The following STARD10 variants were observed in gnomAD, a reference collection of about 807,000 sequenced individuals.
STARD10 encodes START domain-containing protein 10.
A neutral mutation model predicts 36.0 loss-of-function variants in STARD10; 24 were observed. That is an observed-to-expected ratio of 0.67 (90% confidence interval 0.48 to 0.94). The LOEUF is 0.94. Among genes scored for constraint, STARD10 ranks in the 40% least tolerant of loss-of-function variants. STARD10 has a pLI of 0.00. For missense variants in STARD10, 335 were observed against 396.6 expected, an observed-to-expected ratio of 0.84 and a Z score of 1.32; for synonymous variants, 156 against 161.9, an observed-to-expected ratio of 0.96 and a Z score of 0.28.
At chr11:72,765,502 G>A (rs1251962392) in intron 2 of STARD10, among the ~76,000 whole-genome samples, 2 of 152,110 alleles carry the variant, frequency 1.3e-5, no homozygotes, top group African/African-American at 4.8e-5. Flanking sequence ...ACCCACACAG[G>A]CTTTGAGGCT....
chr11:72,754,939 G>A lies in STARD10; in HGVS notation c.834C>T (p.Gly278=), dbSNP rs770104161. 4.4e-6 allele frequency: 7 copies of A among 1,603,378 alleles called. No individual in the cohort carries two copies. Among genetic ancestry groups the A allele is most frequent in the Non-Finnish European group, 4.2e-6 (5 of 1,178,232 alleles). ...CGTCGTCGCTGCCCTCGCCGCCCGC[G>A]CCGCCCATCCGCTCCTCTCTGCTCT... ...VAESREERMG[G]AGGEGSDDDT... is the part of the protein sequence containing the mutation. The change falls in exon 7 of 7, where the codon GGC becomes GGT. Residue 278 remains glycine (G), a synonymous_variant. Transcript: ENST00000334805.
rs756842956 is a variant in STARD10 at position 72,755,712 on chromosome 11, G to A, written c.619C>T (p.Leu207=). The A allele has an allele frequency of 1.2e-6, 2 of 1,613,830 alleles. No individual in the cohort carries two copies. The highest frequency in any genetic ancestry group is 1.7e-6 in the Non-Finnish European group (2 of 1,179,872). The change falls in exon 6 of 7, where the codon CTG becomes TTG. Residue 207 remains leucine, a synonymous_variant. Transcript: ENST00000334805. ...CCAAGGCCACTCACCTTGGGAGCCA[G>A]GAACTGAGAAGATTTATTCACCACC... ...KWVVNKSSQF[L]APKAMKKMYK...
In STARD10 at chr11:72,755,691, G is replaced by A; in HGVS notation, c.630+10C>T. The A allele has an allele frequency of 6.2e-7, 1 of 1,613,578 alleles. No homozygotes were observed. ...TCAACACCCCTCCCCAAAATCCCAAGGCCACTCACCTTGGGAGCCAGGAAC... is the reference window on the plus strand; with the variant it reads ...TCAACACCCCTCCCCAAAATCCCAAAGCCACTCACCTTGGGAGCCAGGAAC... On this transcript the variant is annotated intron_variant, in intron 6 of 6. Coordinates refer to ENST00000334805, the MANE Select transcript of STARD10 (RefSeq NM_006645.3).
rs1859172562 is a variant in STARD10 at position 72,793,308 on chromosome 11, GTAAAC to G, written c.-552_-548del. 6.6e-6 allele frequency: 1 copy of G among 152,216 alleles called. No homozygotes were observed. Among genetic ancestry groups the G allele is most frequent in the Admixed American group, 6.5e-5 (1 of 15,274 alleles). The allele number at this position is 152,216 out of a possible 1,614,324, so 9.4% of individuals were successfully genotyped here. A position where few individuals can be genotyped will look rare whatever the true frequency, so the allele number is the denominator to read the frequency against. On this transcript the variant is annotated 5_prime_UTR_variant, in exon 1 of 7. It introduces an in-frame stop codon into an upstream open reading frame of the 5' UTR. Transcript: ENST00000334805. ...ATACCGCGTGGGTAAATTCCTGAAA[GTAAAC>G]TAAGCTGTTTTCACCCCTGGATCTC...
At chr11:72,760,057 C>T (rs552061635) in intron 2 of STARD10, among the ~76,000 whole-genome samples, 3 of 151,610 alleles carry the variant, frequency 2.0e-5, no homozygotes, top group East Asian at 2.0e-4. Context: ...ATTACAGGCA[C>T]GTGCCCAGCT....
At chr11:72,773,729 G>A (rs1858894520) in intron 2 of STARD10, among the ~76,000 whole-genome samples, 1 of 152,134 alleles carries the variant, frequency 6.6e-6, no homozygotes, top group Non-Finnish European at 1.5e-5. Context: ...CTCCACACAC[G>A]AAGGCCCCAA....
At chr11:72,763,426 A>C (rs1364784808) in intron 2 of STARD10, among the ~76,000 whole-genome samples, 4 of 152,216 alleles carry the variant, frequency 2.6e-5, no homozygotes, top group African/African-American at 4.8e-5. Context: ...AAGTGATCAA[A>C]GGGAATCTCA....
chr11:72,757,769 T>C lies in STARD10; in HGVS notation c.575A>G (p.Lys192Arg). ...GGCTGCCAGGGCCAAGCCCTCACCT[T>C]TGGGGTCCACCTGGGCCAGGTAGGT... Reference protein sequence around the residue: ...VITYLAQVDPKGSLPKWVVNK... With the variant: ...VITYLAQVDPRGSLPKWVVNK... Residue 192 changes from lysine to arginine, a missense_variant and splice_region_variant, in exon 5 of 7, where the codon AAA becomes AGA. By Grantham distance (26) the Lys-to-Arg change is conservative. Transcript: ENST00000334805. 6.2e-7 allele frequency: 1 copy of C among 1,613,712 alleles called. No homozygotes were observed. Among genetic ancestry groups the C allele is most frequent in the Non-Finnish European group, 8.5e-7 (1 of 1,179,744 alleles).
chr11:72,760,120 C>T (rs1858696996), intron 2 of STARD10, among the ~76,000 whole-genome samples: 1 of 152,170 alleles, frequency 6.6e-6, no homozygotes, highest in Admixed American at 6.5e-5. Context: ...CCAGAATGGT[C>T]TCAATCTCTT....
chr11:72,768,086 C>T (rs894688030), intron 2 of STARD10, among the ~76,000 whole-genome samples: 6 of 152,152 alleles, frequency 3.9e-5, no homozygotes, highest in East Asian at 1.9e-4. Flanking sequence ...GAGTGCACAG[C>T]GAGGGGGTGG....
intron 5 of STARD10, among the ~76,000 whole-genome samples, chr11:72,756,925 C>A (rs1028267992): frequency 6.6e-6 from 1 of 152,062 alleles, no homozygotes; most frequent in African/African-American, 2.4e-5. Flanking sequence ...GTGGGTGGAT[C>A]ACAAGGTCAG....
chr11:72,791,808 T>C (rs1025322313), intron 1 of STARD10, among the ~76,000 whole-genome samples: 4 of 151,890 alleles, frequency 2.6e-5, no homozygotes, highest in Non-Finnish European at 4.4e-5. Context: ...TGGAGGTGAA[T>C]CCAAGATCCA....
chr11:72,779,573 G>A (rs1858966645), intron 2 of STARD10, among the ~76,000 whole-genome samples: 1 of 151,990 alleles, frequency 6.6e-6, no homozygotes, highest in Non-Finnish European at 1.5e-5. Context: ...GAGAGACAGA[G>A]TGAGGCTTCT....
intron 1 of STARD10, among the ~76,000 whole-genome samples, chr11:72,785,218 C>G (rs1306192785): frequency 6.6e-6 from 1 of 152,106 alleles, no homozygotes; most frequent in Non-Finnish European, 1.5e-5. Context: ...GCCCCACCCC[C>G]TCCCTGTACA....
At position 72,789,451 on chromosome 11, in the gene STARD10, C is replaced by A. The variant is rs940922748; in HGVS notation, c.-114+3424G>T. Among the ~76,000 whole-genome samples the A allele has an allele frequency of 5.9e-5, 9 of 152,256 alleles. No individual in the cohort carries two copies. The South Asian group carries it at 1.0e-3, about 18-fold the overall frequency. ...GAGGGAAGAGAGGTAGCTGAAATGA[C>A]ATCTTGTCCCCCTCCCTCACCCCCA... On this transcript the variant is annotated intron_variant, in intron 1 of 6. Transcript: ENST00000334805.
intron 2 of STARD10, among the ~76,000 whole-genome samples, chr11:72,760,004 G>A (rs1160433826): frequency 2.6e-5 from 4 of 151,666 alleles, no homozygotes; most frequent in Admixed American, 1.3e-4. Flanking sequence ...TCTGCCTCCC[G>A]GGTTCAAGTG....
intron 1 of STARD10, among the ~76,000 whole-genome samples, chr11:72,786,956 TG>T (rs1859080671): frequency 6.6e-6 from 1 of 151,854 alleles, no homozygotes; most frequent in South Asian, 2.1e-4. Flanking sequence ...TGGCACATGC[TG>T]GTAGTCCCAG....
At position 72,780,812 on chromosome 11, in the gene STARD10, G is replaced by A. The variant is rs549849289; in HGVS notation, c.207+163C>T. 87 of 729,514 alleles carry A rather than the reference G, an allele frequency of 1.2e-4. 1 individual carries two copies. The African/African-American group carries it at 1.5e-3, about 12-fold the overall frequency. The allele number at this position is 729,514 out of a possible 1,614,324, so 45.2% of individuals were successfully genotyped here. On this transcript the variant is annotated intron_variant, in intron 2 of 6. Transcript: ENST00000334805. ...CCTCGGTTGGCCCATCTGTGTGATG[G>A]GGCTTGGCCCAGCAGACTGTGTCTC...
At position 72,755,122 on chromosome 11, in the gene STARD10, C is replaced by G; in HGVS notation, c.651G>C (p.Lys217Asn). 1 of 1,613,014 alleles carries G rather than the reference C, an allele frequency of 6.2e-7. No individual in the cohort carries two copies. The highest frequency in any genetic ancestry group is 1.3e-5 in the African/African-American group (1 of 74,964). The change falls in exon 7 of 7, where the codon AAG becomes AAC. Residue 217 changes from lysine (K) to asparagine (N), a missense_variant. Lys to Asn is a moderately conservative substitution (Grantham distance 94, BLOSUM62 0). Transcript: ENST00000334805. ...LAPKAMKKMY[K>N]ACLKYPEWKQ... ...TCCACTCGGGGTACTTGAGGCACGC[C>G]TTGTACATCTTCTTCATGGCCTGTG...
Sources: gnomAD v4.1 joint callset for allele counts (sites outside exome capture counted in the v4.1 genomes callset) on GRCh38, gnomAD v4.1.1 for gene constraint, MANE v1.5 for transcripts, NCBI Gene and HGNC (gene_info 2026-07-23, HGNC 2026-07-21) for gene names.